SBF2: variants seen among roughly 807,000 people sequenced by gnomAD.
SBF2 encodes the protein myotubularin-related protein 13.
SBF2 carries 112 observed loss-of-function variants against 225.2 expected under a neutral mutation model. The ratio of observed to expected loss-of-function variants is 0.50; its 90% CI spans 0.43 to 0.58. The LOEUF is 0.58. Among genes scored for constraint, SBF2 ranks in the 20% least tolerant of loss-of-function variants. The pLI, the probability that SBF2 is intolerant of heterozygous loss-of-function variation, is 0.00. For missense variants in SBF2, 1,996 were observed against 2,206.2 expected (o/e 0.90, Z 1.91); for synonymous variants, 763 against 773.3 (o/e 0.99, Z 0.22).
At chr11:10,026,850 G>C (rs1260228252) in intron 6 of SBF2, among the ~76,000 whole-genome samples, 1 of 152,008 alleles carries the variant, frequency 6.6e-6, no homozygotes, top group Non-Finnish European at 1.5e-5. Context: ...ATATTAGATA[G>C]ATATGCATTA....
chr11:10,065,904 G>T (rs1056435855), intron 2 of SBF2, among the ~76,000 whole-genome samples: 1 of 152,072 alleles, frequency 6.6e-6, no homozygotes, highest in South Asian at 2.1e-4. Context: ...CCAAGATCGC[G>T]CCATTGCACT....
chr11:9,790,801 A>G, intron 33 of SBF2, 118 bp from the exon 34 acceptor site: 1 of 775,090 alleles, frequency 1.3e-6, no homozygotes, highest in Non-Finnish European at 2.1e-6. Context: ...TAAAAACAGC[A>G]ACATTTGTGT....
chr11:10,192,156 C>G (rs896877290), intron 2 of SBF2, among the ~76,000 whole-genome samples: 1 of 152,158 alleles, frequency 6.6e-6, no homozygotes, highest in Non-Finnish European at 1.5e-5. Flanking sequence ...CTTATTCACA[C>G]TGTAAGGCCA....
At position 10,099,046 on chromosome 11, in the gene SBF2, G is replaced by C. The variant is rs1005775904; in HGVS notation, c.142-56065C>G. On this transcript the variant is annotated intron_variant, in intron 2 of 39. Transcript: ENST00000256190. ...GAAGACAAAAAGAAAGAAGCAAAAG[G>C]CTTCTTTAGATAAATAATGCCTTAA... is the stretch of plus-strand genomic sequence containing the variant. 5.3e-5 allele frequency among the ~76,000 whole-genome samples: 8 copies of C among 151,842 alleles called. No individual in the cohort carries two copies. The South Asian group carries it at 1.2e-3, about 24-fold the overall frequency.
intron 1 of SBF2, among the ~76,000 whole-genome samples, chr11:10,232,465 T>C (rs367873714): frequency 3.3e-5 from 5 of 152,332 alleles, no homozygotes; most frequent in Admixed American, 6.5e-5. Flanking sequence ...TCAGTACACA[T>C]GTATTTTTAA....
At chr11:10,148,313 G>T (rs1954982799) in intron 2 of SBF2, among the ~76,000 whole-genome samples, 1 of 152,046 alleles carries the variant, frequency 6.6e-6, no homozygotes, top group Admixed American at 6.6e-5. Context: ...GGACATAATT[G>T]AAAGGGAAAA....
intron 2 of SBF2, among the ~76,000 whole-genome samples, chr11:10,190,247 T>C (rs1278440910): frequency 6.6e-6 from 1 of 152,162 alleles, no homozygotes; most frequent in Admixed American, 6.5e-5. Context: ...AATAAAAATA[T>C]TGTTCATATA....
chr11:9,812,762 T>C, intron 29 of SBF2, 54 bp from the exon 30 acceptor site: 2 of 1,583,140 alleles, frequency 1.3e-6, no homozygotes, highest in Non-Finnish European at 1.7e-6. Context: ...GGTAAAAGAG[T>C]GATGTTTCCA....
chr11:10,276,945 A>G (rs1271429988), intron 1 of SBF2, among the ~76,000 whole-genome samples: 1 of 152,142 alleles, frequency 6.6e-6, no homozygotes, highest in Non-Finnish European at 1.5e-5. Context: ...AAACTGTGTA[A>G]AACAGGCTCG....
intron 39 of SBF2, 41 bp from the exon 40 acceptor site, chr11:9,780,557 G>T: frequency 6.4e-7 from 1 of 1,559,358 alleles, no homozygotes; most frequent in Non-Finnish European, 8.8e-7. Context: ...TGAAGGGCAG[G>T]GCTGTTTTAT....
At chr11:9,815,877 C>T (rs1314836040) in intron 29 of SBF2, among the ~76,000 whole-genome samples, 2 of 152,208 alleles carry the variant, frequency 1.3e-5, no homozygotes, top group Non-Finnish European at 2.9e-5. Context: ...GTGGTTGCAG[C>T]AGTCCAGGCA....
At chr11:9,836,573 T>A (rs546133804) in intron 26 of SBF2, among the ~76,000 whole-genome samples, 1 of 152,330 alleles carries the variant, frequency 6.6e-6, no homozygotes, top group East Asian at 1.9e-4. Flanking sequence ...TCTTGGCTAC[T>A]CTGCCTTCCA....
chr11:10,005,531 TTAAAA>T (rs1330065371), intron 6 of SBF2, among the ~76,000 whole-genome samples: 2 of 152,150 alleles, frequency 1.3e-5, no homozygotes, highest in African/African-American at 4.8e-5. Context: ...CTCTAATACT[TTAAAA>T]TAAACTTTCA....
chr11:10,183,938 G>A (rs1956831941), intron 2 of SBF2, among the ~76,000 whole-genome samples: 4 of 152,162 alleles, frequency 2.6e-5, no homozygotes, highest in Admixed American at 2.0e-4. Flanking sequence ...CCGTTAAGGT[G>A]AATATGGTTA....
intron 1 of SBF2, among the ~76,000 whole-genome samples, chr11:10,211,666 T>G (rs568022355): frequency 5.9e-5 from 9 of 152,150 alleles, no homozygotes; most frequent in Non-Finnish European, 1.3e-4. Context: ...TACTGTGGGA[T>G]AGTGAGATGA....
intron 32 of SBF2, among the ~76,000 whole-genome samples, chr11:9,803,953 A>C (rs1232650187): frequency 6.6e-6 from 1 of 152,170 alleles, no homozygotes; most frequent in East Asian, 1.9e-4. Context: ...TTTGCTGTGT[A>C]AACCCAGAAA....
chr11:9,994,027 A>G, intron 9 of SBF2, 29 bp from the exon 10 acceptor site: 1 of 1,153,420 alleles, frequency 8.7e-7, no homozygotes, highest in Non-Finnish European at 1.3e-6. Context: ...GTTATGTAAA[A>G]TATCATAATA....
chr11:9,882,531 G>T (rs191714307), intron 17 of SBF2, among the ~76,000 whole-genome samples: 1 of 152,036 alleles, frequency 6.6e-6, no homozygotes, highest in Admixed American at 6.6e-5. Flanking sequence ...CTTCTCGGCC[G>T]GGCATGGTGG....
chr11:10,083,910 TGGAA>T (rs1951457019), intron 2 of SBF2, among the ~76,000 whole-genome samples: 1 of 152,118 alleles, frequency 6.6e-6, no homozygotes, highest in Non-Finnish European at 1.5e-5. Context: ...CCAGCATCTC[TGGAA>T]GTCATGCTTG....
Sources: gnomAD v4.1 joint callset for allele counts (sites outside exome capture counted in the v4.1 genomes callset) on GRCh38, gnomAD v4.1.1 for gene constraint, MANE v1.5 for transcripts, NCBI Gene and HGNC (gene_info 2026-07-23, HGNC 2026-07-21) for gene names.